Variants in ZNF880 observed in about 807,000 individuals in gnomAD.
The protein encoded by ZNF880 is zinc finger protein LOC400713.
A neutral mutation model predicts 11.8 loss-of-function variants in ZNF880; 12 were observed. That is an observed-to-expected ratio of 1.02 (90% CI 0.65 to 1.65). The LOEUF (loss-of-function observed/expected upper bound fraction) is 1.65, where lower values mean the gene tolerates loss of function less well. ZNF880 is among the 40% of genes most tolerant of loss of function. The pLI is 0.00. For synonymous variants in ZNF880, 210 were observed against 232.4 expected (o/e 0.90, Z 0.88); for missense variants, 601 against 673.9 (o/e 0.89, Z 1.20).
At chr19:52,385,971 C>G (rs1375614356), downstream of ZNF880, among the ~76,000 whole-genome samples, 3 of 141,508 alleles carry the variant, frequency 2.1e-5, 1 homozygote, top group African/African-American at 8.3e-5. Flanking sequence ...GTTAGGAGAT[C>G]AAGACCATCC....
In ZNF880 at chr19:52,384,198, C is replaced by T. The variant is rs1475882643; in HGVS notation, c.618C>T (p.His206=). The change falls in exon 4 of 4, where the codon CAC becomes CAT. Residue 206 remains histidine, a synonymous_variant. Transcript: ENST00000422689. ...GACTTGCTAACAATCAAGTAATCCA[C>T]ACTGCAGATAACCCTTACAAATGTA... ...SSRLANNQVI[H]TADNPYKCNE... is the part of the protein sequence containing the mutation. 1.9e-6 allele frequency: 3 copies of T among 1,611,776 alleles called. No individual in the cohort carries two copies. The highest frequency in any genetic ancestry group is 1.7e-6 in the Non-Finnish European group (2 of 1,178,640).
downstream of ZNF880, among the ~76,000 whole-genome samples, chr19:52,386,622 C>T (rs370504982): frequency 5.6e-5 from 8 of 142,164 alleles, 2 homozygotes; most frequent in East Asian, 1.6e-3. Context: ...GTCAATATCT[C>T]CAAACCCCAT....
chr19:52,372,212 C>T (rs1986394684), intron 1 of ZNF880, among the ~76,000 whole-genome samples: 1 of 151,626 alleles, frequency 6.6e-6, no homozygotes, highest in Admixed American at 6.6e-5. Context: ...TATATTGTAT[C>T]TGACGCTTCT....
upstream of ZNF880, among the ~76,000 whole-genome samples, chr19:52,369,495 C>A (rs1986284231): frequency 6.6e-6 from 1 of 151,462 alleles, no homozygotes. Context: ...GTTTATTATT[C>A]ATTTATATTT....
the ZNF880 span, among the ~76,000 whole-genome samples, chr19:52,391,813 T>A: frequency 3.6e-4 from 55 of 152,284 alleles, no homozygotes; most frequent in African/African-American, 1.3e-3. Context: ...TGGGTCACTA[T>A]CTTCACTTCT....
chr19:52,393,247 A>AT, the ZNF880 span, among the ~76,000 whole-genome samples: 1 of 151,214 alleles, frequency 6.6e-6, no homozygotes, highest in Non-Finnish European at 1.5e-5. Context: ...TAATTTCTGT[A>AT]TTTTTAGTAG....
Position 52,385,051 on chromosome 19 carries a change from C to A in ZNF880, c.1471C>A (p.Pro491Thr). ...TCACAGAATCCATACTGGAGAGAAA[C>A]CTTACAAATGCAGTGAATGTCACAA... is the stretch of plus-strand genomic sequence containing the variant. Reference protein sequence around the residue: ...NHHRIHTGEKPYKCSECHKVF... With the variant: ...NHHRIHTGEKTYKCSECHKVF... The change falls in exon 4 of 4, where the codon CCT (proline) becomes ACT (threonine). Residue 491 changes from proline to threonine, a missense_variant. Pro to Thr is a conservative substitution (Grantham distance 38). Transcript: ENST00000422689. 3 of 1,568,764 alleles carry A rather than the reference C, an allele frequency of 1.9e-6. No homozygotes were observed. Among genetic ancestry groups the A allele is most frequent in the East Asian group, 2.4e-5 (1 of 42,492 alleles).
the ZNF880 span, chr19:52,396,512 T>C: frequency 1.3e-5 from 2 of 152,230 alleles, no homozygotes; most frequent in Admixed American, 6.5e-5. Context: ...AGGTGAGAAG[T>C]TGGTACTCAG....
At chr19:52,369,763 T>G (rs1986297949), upstream of ZNF880, among the ~76,000 whole-genome samples, 1 of 152,254 alleles carries the variant, frequency 6.6e-6, no homozygotes, top group East Asian at 1.9e-4. Context: ...ACTTTCCCTC[T>G]GCCGGGACAC....
chr19:52,383,345 CT>C (rs1677193814), intron 3 of ZNF880, among the ~76,000 whole-genome samples: 1 of 152,050 alleles, frequency 6.6e-6, no homozygotes, highest in African/African-American at 2.4e-5. Context: ...TTTCCCTGTC[CT>C]TTTGTAGGCC....
Position 52,385,771 on chromosome 19 carries a change from C to T in ZNF880, c.*457C>T. 1 of 150,362 alleles carries T rather than the reference C, an allele frequency of 6.7e-6. No individual in the cohort carries two copies. Among genetic ancestry groups the T allele is most frequent in the South Asian group, 2.0e-4 (1 of 5,114 alleles). The allele number at this position is 150,362 out of a possible 1,614,324, so 9.3% of individuals were successfully genotyped here. A position where few individuals can be genotyped will look rare whatever the true frequency, so the allele number is the denominator to read the frequency against. Reference sequence around the variant, plus strand: ...AGTTATATTCAGGCAATTAAAAAACCTAATTATATGGGGTTTTTTGAAAAG... The same window carrying T: ...AGTTATATTCAGGCAATTAAAAAACTTAATTATATGGGGTTTTTTGAAAAG... On this transcript the variant is annotated 3_prime_UTR_variant, in exon 4 of 4. Coordinates refer to ENST00000422689, the MANE Select transcript of ZNF880 (RefSeq NM_001145434.2).
Position 52,371,349 on chromosome 19 carries a change from G to T in ZNF880, c.12+1372G>T, listed in dbSNP as rs183847434. 4.5e-3 allele frequency among the ~76,000 whole-genome samples: 664 copies of T among 146,670 alleles called. 11 individuals carry two copies. The East Asian group carries it at 0.068, about 15-fold the overall frequency. On this transcript the variant is annotated intron_variant, in intron 1 of 3. Coordinates refer to ENST00000422689, the MANE Select transcript of ZNF880 (RefSeq NM_001145434.2). ...TGATGCTGATCTGTTATTGTTTGAT[G>T]TTTTTTTTTTTCTTTTTCTGAGATG...
At position 52,374,331 on chromosome 19, in the gene ZNF880, A is replaced by T; in HGVS notation, c.172A>T (p.Met58Leu). Residue 58 changes from methionine (M) to leucine (L), a missense_variant, in exon 3 of 4, where the codon ATG becomes TTG. Physicochemically the swap from Met to Leu is conservative, Grantham distance 15 (BLOSUM62 2). Around this residue, in one of 3 missense-constraint regions of ZNF880, gnomAD observed 420 missense variants for 442.6 expected, o/e 0.95. Transcript: ENST00000422689. ...ICLPDLSVIS[M>L]LEQRRDPRNL... is the part of the protein sequence containing the mutation. The stretch of plus-strand genomic sequence containing the variant: ...TCTTCCTGACCTGAGTGTTATCTCC[A>T]TGTTGGAGCAAAGGAGAGATCCCCG... 6.2e-7 allele frequency: 1 copy of T among 1,613,358 alleles called. No homozygotes were observed. The highest frequency in any genetic ancestry group is 8.5e-7 in the Non-Finnish European group (1 of 1,179,874).
chr19:52,377,538 C>T (rs939418726), intron 3 of ZNF880, among the ~76,000 whole-genome samples: 1 of 152,176 alleles, frequency 6.6e-6, no homozygotes, highest in Non-Finnish European at 1.5e-5. Flanking sequence ...CGTCCCCTAC[C>T]TCAGCAACCA....
chr19:52,376,170 GGTAGATACCCA>G (rs967137985), intron 3 of ZNF880, among the ~76,000 whole-genome samples: 2 of 151,972 alleles, frequency 1.3e-5, no homozygotes, highest in Non-Finnish European at 2.9e-5. Flanking sequence ...TTTTCCTCTG[GGTAGATACCCA>G]GGAGTGGTTT....
At chr19:52,388,455 T>G (rs1464717577), downstream of ZNF880, among the ~76,000 whole-genome samples, 4 of 151,114 alleles carry the variant, frequency 2.6e-5, no homozygotes, top group Non-Finnish European at 5.9e-5. Flanking sequence ...TTTTTGTATT[T>G]TTAATAGAGA....
intron 3 of ZNF880, among the ~76,000 whole-genome samples, chr19:52,383,389 C>T (rs1035087370): frequency 1.3e-5 from 2 of 150,560 alleles, no homozygotes; most frequent in African/African-American, 4.9e-5. Context: ...GGTAAAGCAA[C>T]CACTTCTCCC....
intron 1 of ZNF880, 45 bp from the exon 2 acceptor site, chr19:52,373,066 C>T (rs2122352314): frequency 6.2e-7 from 1 of 1,606,398 alleles, no homozygotes; most frequent in Non-Finnish European, 8.5e-7. Context: ...ACTGTCTCCT[C>T]ATTTTGTGTG....
At chr19:52,374,661 G>A (rs1187493460) in intron 3 of ZNF880, 2 of 662,064 alleles carry the variant, frequency 3.0e-6, no homozygotes, top group East Asian at 5.4e-5. Context: ...GTTTCTGTTT[G>A]GGAGCTCTCT....
Sources: allele counts gnomAD v4.1 joint callset (sites outside exome capture counted in the v4.1 genomes callset), GRCh38; gene constraint gnomAD v4.1.1; regional missense constraint gnomAD v4.1.1; transcripts MANE v1.5; gene names NCBI Gene and HGNC (gene_info 2026-07-23, HGNC 2026-07-21).